The following HM13 variants were observed in gnomAD, a reference collection of about 807,000 sequenced individuals.
HM13 encodes the protein histocompatibility minor 13, also known as signal peptide peptidase.
HM13 carries 18 observed loss-of-function variants against 50.0 expected under a neutral mutation model. The observed-to-expected ratio is 0.36, with a 90% confidence interval of 0.25 to 0.53. The LOEUF is 0.53. Ranked by LOEUF, HM13 falls within the 20% of genes least tolerant of loss-of-function variation. The probability of loss-of-function intolerance (pLI) is 0.90; values close to 1 mark genes in which losing one functional copy is unlikely to be tolerated. For missense variants in HM13, 393 were observed against 552.4 expected (o/e 0.71, Z 2.89); for synonymous variants, 197 against 232.6 (o/e 0.85, Z 1.39).
At chr20:31,520,642 G>T (rs1029958932) in intron 1 of HM13, among the ~76,000 whole-genome samples, 4 of 152,144 alleles carry the variant, frequency 2.6e-5, no homozygotes, top group Non-Finnish European at 4.4e-5. Context: ...ATACAATCAG[G>T]TGTAGGCTTT....
intron 2 of HM13, 71 bp downstream of exon 2, chr20:31,527,653 T>C (rs928572761): frequency 2.7e-6 from 3 of 1,109,422 alleles, no homozygotes; most frequent in Admixed American, 2.0e-5. Context: ...ATTTTTCCCA[T>C]CACAAGAACC....
rs113307011 is a variant in HM13 at position 31,526,522 on chromosome 20, C to A, written c.184-962C>A. 5.1e-3 allele frequency among the ~76,000 whole-genome samples: 782 copies of A among 152,292 alleles called. 14 individuals carry two copies. The highest frequency in any genetic ancestry group is 0.018 in the African/African-American group (744 of 41,574). On this transcript the variant is annotated intron_variant, in intron 1 of 12. Coordinates refer to ENST00000398174, the MANE Select transcript of HM13 (RefSeq NM_178581.3). ...TTGATCTGTTACTCCATTTTCAATTCTTTTCCATTTTTATAATACTGAAAT... is the reference window on the plus strand; with the variant it reads ...TTGATCTGTTACTCCATTTTCAATTATTTTCCATTTTTATAATACTGAAAT...
chr20:31,554,545 G>A (rs976870047), intron 7 of HM13: 25 of 519,100 alleles, frequency 4.8e-5, no homozygotes, highest in South Asian at 4.0e-4. Context: ...AGCTGGGTGC[G>A]GTGGTGGGCG....
chr20:31,514,829 C>A lies in HM13; in HGVS notation c.183+95C>A. 2 of 1,180,262 alleles carry A rather than the reference C, an allele frequency of 1.7e-6. No homozygotes were observed. The highest frequency in any genetic ancestry group is 2.3e-6 in the Non-Finnish European group (2 of 865,384). 73.1% of individuals were successfully genotyped at this position (1,180,262 alleles called of 1,614,324 possible). ...GGCGGGACAGACACCTCTCCCCGGA[C>A]ACTGACTCTTCCCAGCCCTGATCAC... On this transcript the variant is annotated intron_variant, in intron 1 of 12. Transcript: ENST00000398174. The surrounding 1 kb of genome is among the most constrained non-coding windows in gnomAD (Gnocchi z 4.3).
At position 31,514,539 on chromosome 20, in the gene HM13, A is replaced by T. The variant is rs1025472299; in HGVS notation, c.-13A>T. ...AACCGGAGCTGGAGTCGGATCCCGA[A>T]CGCACCCTCGCCATGGACTCGGCCC... On this transcript the variant is annotated 5_prime_UTR_variant, in exon 1 of 13. Coordinates refer to ENST00000398174, the MANE Select transcript of HM13 (RefSeq NM_178581.3). The surrounding 1 kb of genome is among the most constrained non-coding windows in gnomAD (Gnocchi z 4.3). 3.7e-6 allele frequency: 6 copies of T among 1,601,638 alleles called. No homozygotes were observed. The African/African-American group carries it at 8.0e-5, about 21-fold the overall frequency.
chr20:31,528,724 G>A (rs1982640302), intron 2 of HM13, among the ~76,000 whole-genome samples: 1 of 152,084 alleles, frequency 6.6e-6, no homozygotes, highest in Admixed American at 6.6e-5. Context: ...TGATCCACCC[G>A]CCTTGGCCTC....
At chr20:31,524,297 G>A (rs534615822) in intron 1 of HM13, among the ~76,000 whole-genome samples, 22 of 152,146 alleles carry the variant, frequency 1.4e-4, no homozygotes, top group African/African-American at 5.1e-4. Flanking sequence ...GCTAGAGATT[G>A]TCCTCCTGTT....
At chr20:31,538,089 A>G in intron 2 of HM13, 90 bp from the exon 3 acceptor site, 1 of 1,513,360 alleles carries the variant, frequency 6.6e-7, no homozygotes, top group Non-Finnish European at 9.0e-7. Context: ...GAAGGGTGAG[A>G]CCAACCTCCA....
chr20:31,544,968 T>C lies in HM13; in HGVS notation c.387T>C (p.Phe129=). The part of the protein sequence containing the change: ...HTISPFMNKF[F]PASFPNRQYQ... Reference sequence around the variant, plus strand: ...CCAGCCCCTTCATGAATAAGTTTTTTCCAGCCAGCTTTCCAAATCGACAGT... The same window carrying C: ...CCAGCCCCTTCATGAATAAGTTTTTCCCAGCCAGCTTTCCAAATCGACAGT... Residue 129 remains phenylalanine, a synonymous_variant, in exon 4 of 13, where the codon TTT becomes TTC. Transcript: ENST00000398174. 6.2e-7 allele frequency: 1 copy of C among 1,614,188 alleles called. No homozygotes were observed. Among genetic ancestry groups the C allele is most frequent in the Non-Finnish European group, 8.5e-7 (1 of 1,180,006 alleles).
At chr20:31,527,318 A>G (rs1473852197) in intron 1 of HM13, among the ~76,000 whole-genome samples, 166 bp from the exon 2 acceptor site, 3 of 148,266 alleles carry the variant, frequency 2.0e-5, no homozygotes, top group East Asian at 1.9e-4. Flanking sequence ...AGCCTGGGTG[A>G]TAGAGCAAGA....
rs1568790774 is a variant in HM13, at chr20:31,544,944, C to T, written c.366-3C>T. On this transcript the variant is annotated splice_region_variant and splice_polypyrimidine_tract_variant and intron_variant, in intron 3 of 12. Transcript: ENST00000398174. ...TGCCGACTTGCTTTGTCTTTCCTTC[C>T]AGCCCCTTCATGAATAAGTTTTTTC... 6.2e-7 allele frequency: 1 copy of T among 1,613,722 alleles called. No individual in the cohort carries two copies. Among genetic ancestry groups the T allele is most frequent in the Non-Finnish European group, 8.5e-7 (1 of 1,179,614 alleles).
rs567442847 is a variant in HM13, at chr20:31,525,087, G to A, written c.184-2397G>A. On this transcript the variant is annotated intron_variant, in intron 1 of 12. Coordinates refer to ENST00000398174, the MANE Select transcript of HM13 (RefSeq NM_178581.3). ...ATGCATCCTGCCAAATTACCCTCCC[G>A]AAAAGGCTGGACAGGTTTATACTTT... 4.7e-4 allele frequency among the ~76,000 whole-genome samples: 72 copies of A among 152,198 alleles called. No individual in the cohort carries two copies. In the South Asian group the frequency reaches 6.8e-3, roughly 14 times the overall value.
intron 7 of HM13, 177 bp downstream of exon 7, chr20:31,550,298 C>G: frequency 1.6e-6 from 1 of 610,220 alleles, no homozygotes; most frequent in Non-Finnish European, 3.0e-6. Context: ...TTCATCCTGC[C>G]CAGGTCCCGG....
chr20:31,541,490 T>TAAAAAAAAAA (rs5841079), intron 3 of HM13: 1 of 136,784 alleles, frequency 7.3e-6, no homozygotes. Context: ...CTGAAAAATA[T>TAAAAAAAAAA]AAAAAAAAAA....
intron 3 of HM13, among the ~76,000 whole-genome samples, chr20:31,544,415 A>T (rs1834019718): frequency 6.6e-6 from 1 of 152,250 alleles, no homozygotes; most frequent in South Asian, 2.1e-4. Flanking sequence ...GATCCTGCCC[A>T]GGGGCTATGA....
At chr20:31,516,803 T>A (rs909260544) in intron 1 of HM13, among the ~76,000 whole-genome samples, 24 of 152,066 alleles carry the variant, frequency 1.6e-4, no homozygotes, top group Admixed American at 9.8e-4. Context: ...ACCTGACCAT[T>A]AAGAGCCTGC....
chr20:31,545,057 C>T, intron 4 of HM13, 22 bp downstream of exon 4: 1 of 1,577,820 alleles, frequency 6.3e-7, no homozygotes, highest in Non-Finnish European at 8.7e-7. Flanking sequence ...CCACTTTCCC[C>T]TGTAGTGTGC....
At chr20:31,563,108 G>A (rs1203177915) in intron 10 of HM13, 1 of 152,384 alleles carries the variant, frequency 6.6e-6, no homozygotes, top group African/African-American at 2.4e-5. Flanking sequence ...GCAGCGCTGA[G>A]AGAACGCGAA....
chr20:31,545,598 C>T (rs1264519810), intron 4 of HM13, among the ~76,000 whole-genome samples: 3 of 152,026 alleles, frequency 2.0e-5, no homozygotes, highest in African/African-American at 7.3e-5. Flanking sequence ...GACCTCATCT[C>T]TACAAAAAAA....
Sources: allele counts gnomAD v4.1 joint callset (sites outside exome capture counted in the v4.1 genomes callset), GRCh38; gene constraint gnomAD v4.1.1; non-coding constraint Gnocchi (gnomAD v3.1); transcripts MANE v1.5; gene names NCBI Gene and HGNC (gene_info 2026-07-23, HGNC 2026-07-21).